Variants in CCDC185 observed in about 807,000 individuals in gnomAD.
CCDC185 encodes coiled-coil domain containing 185, also known as coiled-coil domain-containing protein 185.
For synonymous variants in CCDC185, 381 were observed against 348.1 expected (o/e 1.09, Z -1.05); for missense variants, 982 against 825.3 (o/e 1.19, Z -2.33).
rs1387642989 is a variant in CCDC185, at chr1:223,394,922, G to C, written c.1447G>C (p.Glu483Gln). The C allele has an allele frequency of 6.2e-7, 1 of 1,614,206 alleles. No homozygotes were observed. The highest frequency in any genetic ancestry group is 1.3e-5 in the African/African-American group (1 of 75,054). ...GAGGGAGAAGGCCCAGAAGGAGGAAGAGCAGTTGCAGCAGGCCAGGTGGCG... is the reference window on the plus strand; with the variant it reads ...GAGGGAGAAGGCCCAGAAGGAGGAACAGCAGTTGCAGCAGGCCAGGTGGCG... ...ELREKAQKEE[E>Q]QLQQARWRAG... The change falls in exon 1 of 1, where the codon GAG becomes CAG. Residue 483 changes from glutamate to glutamine, a missense_variant. By Grantham distance (29) the Glu-to-Gln change is conservative. Coordinates refer to ENST00000366875, the MANE Select transcript of CCDC185 (RefSeq NM_152610.3).
At position 223,394,528 on chromosome 1, in the gene CCDC185, G is replaced by A. The variant is rs758512606; in HGVS notation, c.1053G>A (p.Glu351=). The change falls in exon 1 of 1, where the codon GAG becomes GAA. Residue 351 remains glutamate, a synonymous_variant. Transcript: ENST00000366875. ...PGESRWKEQP[E]DQESPRQEKL... Reference sequence around the variant, plus strand: ...AAAGCCGGTGGAAGGAGCAACCAGAGGACCAGGAGAGCCCGCGCCAGGAGA... The same window carrying A: ...AAAGCCGGTGGAAGGAGCAACCAGAAGACCAGGAGAGCCCGCGCCAGGAGA... 1.9e-6 allele frequency: 3 copies of A among 1,596,414 alleles called. No homozygotes were observed. The highest frequency in any genetic ancestry group is 2.3e-5 in the East Asian group (1 of 43,968).
rs771266668 is a variant in CCDC185, at chr1:223,394,162, G to A, written c.687G>A (p.Leu229=). 1 of 1,613,978 alleles carries A rather than the reference G, an allele frequency of 6.2e-7. No homozygotes were observed. Among genetic ancestry groups the A allele is most frequent in the Non-Finnish European group, 8.5e-7 (1 of 1,180,062 alleles). The part of the protein sequence containing the change: ...ESLASRDSQP[L]ASSKEMRSPH... Reference sequence around the variant, plus strand: ...TAGCCAGCCGGGACTCCCAGCCCTTGGCCTCCAGCAAAGAGATGCGGAGCC... The same window carrying A: ...TAGCCAGCCGGGACTCCCAGCCCTTAGCCTCCAGCAAAGAGATGCGGAGCC... The change falls in exon 1 of 1, where the codon TTG becomes TTA. Residue 229 remains leucine (L), a synonymous_variant. Transcript: ENST00000366875.
At chr1:223,393,669 C>A in the CCDC185 span, 2 of 1,567,426 alleles carry the variant, frequency 1.3e-6, no homozygotes, top group South Asian at 2.4e-5. This position sits in a 1 kb window ranked among gnomAD's most constrained non-coding sequence, Gnocchi z 4.8. Context: ...CCGCACTGTT[C>A]GTTCACCCCG....
rs1395999572 is a variant in CCDC185, at chr1:223,393,697, G to A, written c.222G>A (p.Gly74=). The part of the protein sequence containing the change: ...CSFTPRPRRR[G]CSDSLRGSRS... ...TCACCCCGCGGCCTCGCAGGCGCGG[G>A]TGCTCAGATTCACTGCGGGGCAGCC... Residue 74 remains glycine, a synonymous_variant, in exon 1 of 1, where the codon GGG becomes GGA. Coordinates refer to ENST00000366875, the MANE Select transcript of CCDC185 (RefSeq NM_152610.3). This position sits in a 1 kb window ranked among gnomAD's most constrained non-coding sequence, Gnocchi z 4.8. The A allele has an allele frequency of 1.9e-6, 3 of 1,574,534 alleles. No individual in the cohort carries two copies. The highest frequency in any genetic ancestry group is 2.6e-6 in the Non-Finnish European group (3 of 1,164,298).
At position 223,394,177 on chromosome 1, in the gene CCDC185, G is replaced by A. The variant is rs1669613802; in HGVS notation, c.702G>A (p.Glu234=). Residue 234 remains glutamate, a synonymous_variant, in exon 1 of 1, where the codon GAG becomes GAA. Transcript: ENST00000366875. Reference sequence around the variant, plus strand: ...CCCAGCCCTTGGCCTCCAGCAAAGAGATGCGGAGCCCGCACACCCAGGTCC... The same window carrying A: ...CCCAGCCCTTGGCCTCCAGCAAAGAAATGCGGAGCCCGCACACCCAGGTCC... ...RDSQPLASSK[E]MRSPHTQVLK... The A allele has an allele frequency of 6.2e-7, 1 of 1,613,980 alleles. No homozygotes were observed. The highest frequency in any genetic ancestry group is 1.3e-5 in the African/African-American group (1 of 74,950).
Position 223,394,997 on chromosome 1 carries a change from G to C in CCDC185, c.1522G>C (p.Glu508Gln), listed in dbSNP as rs957694752. Reference protein sequence around the residue: ...QRKMRKRILVELADEKIRQAR... With the variant: ...QRKMRKRILVQLADEKIRQAR... ...GAAGATGCGCAAAAGAATTCTGGTG[G>C]AGCTGGCGGATGAGAAGATCCGACA... Residue 508 changes from glutamate to glutamine, a missense_variant, in exon 1 of 1, where the codon GAG becomes CAG. Coordinates refer to ENST00000366875, the MANE Select transcript of CCDC185 (RefSeq NM_152610.3). 1 of 1,613,944 alleles carries C rather than the reference G, an allele frequency of 6.2e-7. No individual in the cohort carries two copies. The highest frequency in any genetic ancestry group is 1.3e-5 in the African/African-American group (1 of 74,888).
At position 223,393,692 on chromosome 1, in the gene CCDC185, C is replaced by A. The variant is rs745649333; in HGVS notation, c.217C>A (p.Arg73Ser). The A allele has an allele frequency of 3.8e-6, 6 of 1,570,402 alleles. No individual in the cohort carries two copies. In the East Asian group the frequency reaches 9.2e-5, roughly 24 times the overall value. The change falls in exon 1 of 1, where the codon CGC becomes AGC. Residue 73 changes from arginine (R) to serine (S), a missense_variant. Physicochemically the swap from Arg to Ser is moderately radical, Grantham distance 110 (BLOSUM62 -1). Transcript: ENST00000366875. This position sits in a 1 kb window ranked among gnomAD's most constrained non-coding sequence, Gnocchi z 4.8. The stretch of plus-strand genomic sequence containing the variant: ...TTCGTTCACCCCGCGGCCTCGCAGG[C>A]GCGGGTGCTCAGATTCACTGCGGGG... Reference protein sequence around the residue: ...HCSFTPRPRRRGCSDSLRGSR... With the variant: ...HCSFTPRPRRSGCSDSLRGSR...
Position 223,395,406 on chromosome 1 carries a change from C to A in CCDC185, c.*59C>A. ...AGAAGGAGATGTGGCAATGTGATTC[C>A]TTTTGTAATCTGATTATAATTGAAC... On this transcript the variant is annotated 3_prime_UTR_variant, in exon 1 of 1. Transcript: ENST00000366875. 1.4e-6 allele frequency: 2 copies of A among 1,414,108 alleles called. No homozygotes were observed. Among genetic ancestry groups the A allele is most frequent in the Non-Finnish European group, 1.9e-6 (2 of 1,069,948 alleles). The allele number at this position is 1,414,108 out of a possible 1,614,324, so 87.6% of individuals were successfully genotyped here.
chr1:223,394,003 C>T lies in CCDC185; in HGVS notation c.528C>T (p.Leu176=), dbSNP rs191568953. The change falls in exon 1 of 1, where the codon CTC becomes CTT. Residue 176 remains leucine (L), a synonymous_variant. Coordinates refer to ENST00000366875, the MANE Select transcript of CCDC185 (RefSeq NM_152610.3). The part of the protein sequence containing the change: ...AQGGDQWAVP[L]GRHLGRWSPS... ...GTGGAGACCAGTGGGCAGTGCCACT[C>T]GGCAGACATCTAGGTCGCTGGTCCC... 30 of 1,614,076 alleles carry T rather than the reference C, an allele frequency of 1.9e-5. No homozygotes were observed. The highest frequency in any genetic ancestry group is 3.3e-5 in the South Asian group (3 of 91,076).
At position 223,395,189 on chromosome 1, in the gene CCDC185, G is replaced by T. The variant is rs1669648044; in HGVS notation, c.1714G>T (p.Val572Leu). ...KEAIKKKEQR[V>L]QHISQGKDPN... ...GGCCATTAAGAAAAAGGAGCAGAGGGTGCAGCACATTTCCCAAGGGAAAGA... is the reference window on the plus strand; with the variant it reads ...GGCCATTAAGAAAAAGGAGCAGAGGTTGCAGCACATTTCCCAAGGGAAAGA... Residue 572 changes from valine (V) to leucine (L), a missense_variant, in exon 1 of 1, where the codon GTG becomes TTG. Coordinates refer to ENST00000366875, the MANE Select transcript of CCDC185 (RefSeq NM_152610.3). 6.2e-7 allele frequency: 1 copy of T among 1,613,732 alleles called. No homozygotes were observed. The highest frequency in any genetic ancestry group is 1.3e-5 in the African/African-American group (1 of 74,862).
chr1:223,394,000 AC>A, the CCDC185 span: 1 of 1,614,082 alleles, frequency 6.2e-7, no homozygotes, highest in South Asian at 1.1e-5. This position sits in a 1 kb window ranked among gnomAD's most constrained non-coding sequence, Gnocchi z 4.8. Flanking sequence ...GGGCAGTGCC[AC>A]TCGGCAGACA....
chr1:223,394,734 A>T lies in CCDC185; in HGVS notation c.1259A>T (p.Gln420Leu). The change falls in exon 1 of 1, where the codon CAG becomes CTG. Residue 420 changes from glutamine to leucine, a missense_variant. By Grantham distance (113) the Gln-to-Leu change is moderately radical. Coordinates refer to ENST00000366875, the MANE Select transcript of CCDC185 (RefSeq NM_152610.3). ...GCCGTGGAGGGCCAGAAGAAGGTCCAGGACACCAACCTGAGCTCCCTCATC... is the reference window on the plus strand; with the variant it reads ...GCCGTGGAGGGCCAGAAGAAGGTCCTGGACACCAACCTGAGCTCCCTCATC... ...LHAVEGQKKV[Q>L]DTNLSSLINY... 1 of 1,611,846 alleles carries T rather than the reference A, an allele frequency of 6.2e-7. No homozygotes were observed. Among genetic ancestry groups the T allele is most frequent in the Non-Finnish European group, 8.5e-7 (1 of 1,178,876 alleles).
Position 223,393,796 on chromosome 1 carries a change from A to C in CCDC185, c.321A>C (p.Glu107Asp), listed in dbSNP as rs998434696. 6.3e-7 allele frequency: 1 copy of C among 1,580,242 alleles called. No individual in the cohort carries two copies. The highest frequency in any genetic ancestry group is 8.6e-7 in the Non-Finnish European group (1 of 1,164,554). ...RKHRPRSRRL[E>D]DAWGETGTKP... is the part of the protein sequence containing the mutation. ...ACCGGCCCCGCAGCAGGCGCCTGGA[A>C]GATGCCTGGGGAGAGACAGGAACCA... The change falls in exon 1 of 1, where the codon GAA becomes GAC. Residue 107 changes from glutamate (E) to aspartate (D), a missense_variant. Glu to Asp is a conservative substitution (Grantham distance 45). Transcript: ENST00000366875. This position sits in a 1 kb window ranked among gnomAD's most constrained non-coding sequence, Gnocchi z 4.8.
Position 223,394,998 on chromosome 1 carries a change from A to T in CCDC185, c.1523A>T (p.Glu508Val). The T allele has an allele frequency of 6.2e-7, 1 of 1,614,068 alleles. No individual in the cohort carries two copies. The highest frequency in any genetic ancestry group is 8.5e-7 in the Non-Finnish European group (1 of 1,180,020). ...AAGATGCGCAAAAGAATTCTGGTGG[A>T]GCTGGCGGATGAGAAGATCCGACAG... ...QRKMRKRILV[E>V]LADEKIRQAR... is the part of the protein sequence containing the mutation. Residue 508 changes from glutamate to valine, a missense_variant, in exon 1 of 1, where the codon GAG (glutamate) becomes GTG (valine). By Grantham distance (121) the Glu-to-Val change is moderately radical. Coordinates refer to ENST00000366875, the MANE Select transcript of CCDC185 (RefSeq NM_152610.3).
the CCDC185 span, chr1:223,394,734 AG>A: frequency 6.2e-7 from 1 of 1,611,846 alleles, no homozygotes; most frequent in East Asian, 2.2e-5. Flanking sequence ...AAGAAGGTCC[AG>A]GACACCAACC....
chr1:223,393,744 G>T lies in CCDC185; in HGVS notation c.269G>T (p.Arg90Leu). 1.9e-6 allele frequency: 3 copies of T among 1,564,552 alleles called. No homozygotes were observed. The highest frequency in any genetic ancestry group is 2.6e-6 in the Non-Finnish European group (3 of 1,157,540). ...AGCCGAAGCCTGAGCGATGTGGCCC[G>T]CAGGCCCCTGGAACGTTCCAGGAAG... The part of the protein sequence containing the change: ...RGSRSLSDVA[R>L]RPLERSRKHR... The change falls in exon 1 of 1, where the codon CGC (arginine) becomes CTC (leucine). Residue 90 changes from arginine (R) to leucine (L), a missense_variant. Coordinates refer to ENST00000366875, the MANE Select transcript of CCDC185 (RefSeq NM_152610.3). This position sits in a 1 kb window ranked among gnomAD's most constrained non-coding sequence, Gnocchi z 4.8.
rs762833739 is a variant in CCDC185 at position 223,394,193 on chromosome 1, A to G, written c.718A>G (p.Thr240Ala). The G allele has an allele frequency of 1.2e-4, 200 of 1,613,842 alleles. No homozygotes were observed. Among genetic ancestry groups the G allele is most frequent in the Non-Finnish European group, 1.6e-4 (189 of 1,180,030 alleles). Residue 240 changes from threonine to alanine, a missense_variant, in exon 1 of 1, where the codon ACC (threonine) becomes GCC (alanine). Physicochemically the swap from Thr to Ala is moderately conservative, Grantham distance 58. Coordinates refer to ENST00000366875, the MANE Select transcript of CCDC185 (RefSeq NM_152610.3). The stretch of plus-strand genomic sequence containing the variant: ...CAGCAAAGAGATGCGGAGCCCGCAC[A>G]CCCAGGTCCTGAAGAGCAAGCTGGA... ...ASSKEMRSPH[T>A]QVLKSKLEEV...
At chr1:223,395,126 G>T in the CCDC185 span, 1 of 1,614,132 alleles carries the variant, frequency 6.2e-7, no homozygotes, top group South Asian at 1.1e-5. Context: ...ACTGAAAGCC[G>T]AGAAGGAGGA....
rs75183206 is a variant in CCDC185, at chr1:223,395,217, C to G, written c.1742C>G (p.Pro581Arg). The part of the protein sequence containing the change: ...RVQHISQGKD[P>R]NFQEFQKLPQ... ...CAGCACATTTCCCAAGGGAAAGACC[C>G]AAACTTCCAGGAGTTCCAGAAGCTC... The change falls in exon 1 of 1, where the codon CCA becomes CGA. Residue 581 changes from proline (P) to arginine (R), a missense_variant. Coordinates refer to ENST00000366875, the MANE Select transcript of CCDC185 (RefSeq NM_152610.3). 5.3e-4 allele frequency: 854 copies of G among 1,612,164 alleles called. 10 individuals carry two copies. In the East Asian group the frequency reaches 0.014, roughly 27 times the overall value.
Sources: allele counts gnomAD v4.1 joint callset, GRCh38; gene constraint gnomAD v4.1.1; non-coding constraint Gnocchi (gnomAD v3.1); transcripts MANE v1.5; gene names NCBI Gene and HGNC (gene_info 2026-07-23, HGNC 2026-07-21).